PPFIA2: variants seen among roughly 807,000 people sequenced by gnomAD.
PPFIA2 encodes PPFI scaffold protein A2.
Under a neutral mutation model 175.5 loss-of-function variants are expected in PPFIA2, and 46 were observed. The ratio of observed to expected loss-of-function variants is 0.26; its 90% CI spans 0.21 to 0.34. The LOEUF (loss-of-function observed/expected upper bound fraction) is 0.34. Among genes scored for constraint, PPFIA2 ranks in the 10% least tolerant of loss-of-function variants. The pLI, the probability that PPFIA2 is intolerant of heterozygous loss-of-function variation, is 1.00. For synonymous variants in PPFIA2, 568 were observed against 511.4 expected, an observed-to-expected ratio of 1.11 and a Z score of -1.49; for missense variants, 1,179 against 1,506.1, an observed-to-expected ratio of 0.78 and a Z score of 3.60.
At chr12:81,372,876 G>C (rs2035504760) in intron 11 of PPFIA2, among the ~76,000 whole-genome samples, 1 of 151,540 alleles carries the variant, frequency 6.6e-6, no homozygotes, top group Non-Finnish European at 1.5e-5. Flanking sequence ...GAGGTTCAGG[G>C]ACAGTAAAGG....
At chr12:81,650,073 G>T (rs184318866) in intron 4 of PPFIA2, among the ~76,000 whole-genome samples, 3 of 151,550 alleles carry the variant, frequency 2.0e-5, no homozygotes, top group Non-Finnish European at 2.9e-5. Context: ...GCAGTGGTGC[G>T]ATCTTGGCTC....
At chr12:81,488,020 T>C (rs1049140267) in intron 4 of PPFIA2, among the ~76,000 whole-genome samples, 5 of 151,946 alleles carry the variant, frequency 3.3e-5, no homozygotes, top group Admixed American at 3.3e-4. Context: ...AGTTAGTTAG[T>C]GGATACATTA....
At position 81,361,992 on chromosome 12, in the gene PPFIA2, T is replaced by C. The variant is rs566537145; in HGVS notation, c.1637+701A>G. ...ACATATAGATCTATCTATGTATCTA[T>C]CTATGTATCTATGTATCTATCTATC... On this transcript the variant is annotated intron_variant, in intron 15 of 32. Transcript: ENST00000549396. 4.8e-5 allele frequency among the ~76,000 whole-genome samples: 6 copies of C among 123,714 alleles called. No individual in the cohort carries two copies. The East Asian group carries it at 1.4e-3, about 29-fold the overall frequency. The allele number at this position is 123,714 out of a possible 152,430, so 81.2% of individuals were successfully genotyped here.
At chr12:81,723,757 A>ACAAAG (rs2079660029) in intron 3 of PPFIA2, among the ~76,000 whole-genome samples, 1 of 151,014 alleles carries the variant, frequency 6.6e-6, no homozygotes, top group South Asian at 2.1e-4. Context: ...ATTTCTGTCT[A>ACAAAG]CAAAGCAAGC....
At chr12:81,700,436 T>C (rs1187766465) in intron 3 of PPFIA2, among the ~76,000 whole-genome samples, 4 of 152,104 alleles carry the variant, frequency 2.6e-5, no homozygotes, top group African/African-American at 9.7e-5. Flanking sequence ...CTACCAAATA[T>C]AAAATCTGTC....
intron 4 of PPFIA2, among the ~76,000 whole-genome samples, chr12:81,534,558 A>G (rs1021387490): frequency 2.0e-5 from 3 of 151,698 alleles, no homozygotes; most frequent in African/African-American, 7.3e-5. Context: ...CATTCTTTTA[A>G]AAAAGACTAT....
At position 81,421,313 on chromosome 12, in the gene PPFIA2, C is replaced by A. The variant is rs989731271; in HGVS notation, c.646-15410G>T. ...TGTATTGTATAAATTACTTTTAATCCTACTATAAAGGTTAGAGATACAAAA... is the reference window on the plus strand; with the variant it reads ...TGTATTGTATAAATTACTTTTAATCATACTATAAAGGTTAGAGATACAAAA... On this transcript the variant is annotated intron_variant, in intron 7 of 32. Transcript: ENST00000549396. Among the ~76,000 whole-genome samples, 14 of 151,934 alleles carry A rather than the reference C, an allele frequency of 9.2e-5. 2 individuals are homozygous for A. The highest frequency in any genetic ancestry group is 2.6e-4 in the Admixed American group (4 of 15,246).
intron 11 of PPFIA2, among the ~76,000 whole-genome samples, chr12:81,373,946 C>T (rs1353154425): frequency 6.6e-6 from 1 of 151,908 alleles, no homozygotes; most frequent in Non-Finnish European, 1.5e-5. Context: ...TTTTATATAA[C>T]TTGTGACATA....
chr12:81,410,780 T>C (rs1449389471), intron 7 of PPFIA2, among the ~76,000 whole-genome samples: 1 of 152,044 alleles, frequency 6.6e-6, no homozygotes, highest in Non-Finnish European at 1.5e-5. Flanking sequence ...ACTTTACATG[T>C]TTCTGGCTGA....
intron 4 of PPFIA2, among the ~76,000 whole-genome samples, chr12:81,669,080 A>C (rs1023674069): frequency 6.6e-6 from 1 of 152,056 alleles, no homozygotes; most frequent in Non-Finnish European, 1.5e-5. Context: ...TAACTAAGAC[A>C]TACGGCATTC....
chr12:81,625,819 C>A (rs1370040376), intron 4 of PPFIA2, among the ~76,000 whole-genome samples: 1 of 148,280 alleles, frequency 6.7e-6, no homozygotes, highest in Non-Finnish European at 1.5e-5. Flanking sequence ...ACTTTTACTT[C>A]CTGTAGCTAT....
chr12:81,588,708 T>G, intron 4 of PPFIA2, among the ~76,000 whole-genome samples: 1 of 152,150 alleles, frequency 6.6e-6, no homozygotes, highest in East Asian at 1.9e-4. Flanking sequence ...ATATTTATTA[T>G]ACCTATTAAA....
chr12:81,389,474 T>C (rs1442267988), intron 8 of PPFIA2, among the ~76,000 whole-genome samples: 1 of 152,040 alleles, frequency 6.6e-6, no homozygotes, highest in East Asian at 1.9e-4. Context: ...TTTATGCTAC[T>C]GTGTTGGGAT....
In PPFIA2 at chr12:81,294,532, A is replaced by T. The variant is rs948964146; in HGVS notation, c.2925+303T>A. On this transcript the variant is annotated intron_variant, in intron 24 of 32. Transcript: ENST00000549396. ...GAGGAAGGGAGGGAGGAACAAAGGAACGAAGGAAGGAAGGAATTGAAAAAA... is the reference window on the plus strand; with the variant it reads ...GAGGAAGGGAGGGAGGAACAAAGGATCGAAGGAAGGAAGGAATTGAAAAAA... 3.8e-4 allele frequency: 75 copies of T among 198,662 alleles called. 1 individual carries two copies. The highest frequency in any genetic ancestry group is 1.9e-3 in the Admixed American group (23 of 12,314). The allele number at this position is 198,662 out of a possible 1,614,324, so 12.3% of individuals were successfully genotyped here.
At chr12:81,753,441 G>C (rs2084149450) in intron 3 of PPFIA2, among the ~76,000 whole-genome samples, 1 of 148,698 alleles carries the variant, frequency 6.7e-6, no homozygotes, top group Non-Finnish European at 1.5e-5. Context: ...AAAATAAAAA[G>C]AAACCAGTTA....
intron 4 of PPFIA2, among the ~76,000 whole-genome samples, chr12:81,548,094 C>A (rs1439177409): frequency 1.3e-5 from 2 of 152,218 alleles, no homozygotes; most frequent in African/African-American, 4.8e-5. Flanking sequence ...ATCGTAATTT[C>A]CAAGCCAAAA....
chr12:81,539,901 C>T (rs2065949047), intron 4 of PPFIA2, among the ~76,000 whole-genome samples: 1 of 152,026 alleles, frequency 6.6e-6, no homozygotes, highest in Admixed American at 6.6e-5. Context: ...TTTATTCCCT[C>T]AATTTGATTT....
chr12:81,372,152 T>C (rs1245440227), intron 11 of PPFIA2, among the ~76,000 whole-genome samples: 2 of 151,786 alleles, frequency 1.3e-5, no homozygotes, highest in African/African-American at 4.8e-5. Flanking sequence ...AAACTGTTTA[T>C]CTTAGTTTCA....
At chr12:81,591,060 T>G (rs2058618287) in intron 4 of PPFIA2, among the ~76,000 whole-genome samples, 1 of 152,120 alleles carries the variant, frequency 6.6e-6, no homozygotes. Flanking sequence ...TTGACCAAAA[T>G]GCTGATAATG....
Sources: allele counts gnomAD v4.1 joint callset (sites outside exome capture counted in the v4.1 genomes callset), GRCh38; gene constraint gnomAD v4.1.1; transcripts MANE v1.5; gene names NCBI Gene and HGNC (gene_info 2026-07-23, HGNC 2026-07-21).